The following GSN variants were observed in gnomAD, a reference collection of about 807,000 sequenced individuals.
GSN encodes actin-depolymerizing factor.
GSN carries 56 observed loss-of-function variants against 85.7 expected under a neutral mutation model. The observed-to-expected ratio is 0.65, with a 90% CI of 0.53 to 0.82. GSN has a LOEUF of 0.82. GSN is among the 40% of genes least tolerant of loss of function. The pLI, the probability that GSN is intolerant of heterozygous loss-of-function variation, is 0.00. For synonymous variants in GSN, 373 were observed against 399.1 expected (o/e 0.93, Z 0.78); for missense variants, 857 against 979.8 (o/e 0.87, Z 1.67).
chr9:121,273,838 A>C (rs551134157), intron 1 of GSN, among the ~76,000 whole-genome samples: 1 of 152,344 alleles, frequency 6.6e-6, no homozygotes, highest in South Asian at 2.1e-4. Context: ...AAATGAAATA[A>C]TGCTTTTTAT....
intron 2 of GSN, among the ~76,000 whole-genome samples, chr9:121,296,769 G>C (rs4837833): frequency 0.72 from 109,787 of 152,084 alleles, 39,936 homozygotes; most frequent in South Asian, 0.81. Context: ...AATGTTGCCC[G>C]CATCATGGTC....
intron 4 of GSN, among the ~76,000 whole-genome samples, chr9:121,224,698 T>G (rs1363182233): frequency 2.0e-5 from 3 of 150,342 alleles, no homozygotes; most frequent in Non-Finnish European, 4.4e-5. Flanking sequence ...AAACTCGTCC[T>G]TCAGTTGGTC....
chr9:121,318,793 G>A lies in GSN; in HGVS notation c.1104G>A (p.Arg368=). The A allele has an allele frequency of 6.2e-7, 1 of 1,614,136 alleles. No individual in the cohort carries two copies. Among genetic ancestry groups the A allele is most frequent in the Non-Finnish European group, 8.5e-7 (1 of 1,180,018 alleles). Residue 368 remains arginine, a synonymous_variant, in exon 10 of 18, where the codon CGG becomes CGA. Coordinates refer to ENST00000432226, the MANE Select transcript of GSN (RefSeq NM_198252.3). The surrounding 1 kb of genome is among the most constrained non-coding windows in gnomAD (Gnocchi z 4.3). ...CCAGCCATATCGCCAACGTGGAGCG[G>A]GTGCCCTTCGACGCCGCCACCCTGC... ...YLSSHIANVE[R]VPFDAATLHT...
chr9:121,286,788 A>G, intron 2 of GSN: 1 of 1,522,272 alleles, frequency 6.6e-7, no homozygotes, highest in Non-Finnish European at 8.8e-7. Flanking sequence ...GGTGTGTAGA[A>G]GTGAGAGTCA....
chr9:121,312,506 A>G lies in GSN; in HGVS notation c.663+18A>G, dbSNP rs763958914. The G allele has an allele frequency of 3.1e-6, 5 of 1,594,058 alleles. No homozygotes were observed. Among genetic ancestry groups the G allele is most frequent in the African/African-American group, 2.7e-5 (2 of 74,524 alleles). Reference sequence around the variant, plus strand: ...TGCTCCAGGTGCCTGTGGGGTGCGCAATGGGGTGGCCATGGGGACACGCTG... The same window carrying G: ...TGCTCCAGGTGCCTGTGGGGTGCGCGATGGGGTGGCCATGGGGACACGCTG... On this transcript the variant is annotated intron_variant, in intron 6 of 17. Transcript: ENST00000432226.
At chr9:121,273,653 A>G (rs2058182638) in intron 1 of GSN, among the ~76,000 whole-genome samples, 1 of 152,028 alleles carries the variant, frequency 6.6e-6, no homozygotes, top group Non-Finnish European at 1.5e-5. Flanking sequence ...TATATTTATA[A>G]TTGTCTGTTC....
rs536786765 is a variant in GSN, at chr9:121,261,303, T to A, written c.-340-3851T>A. Reference sequence around the variant, plus strand: ...GGGCTGTTAGGGCTGTGGGCCCCTGTGCCCCTCCACAGGAAACGTCTTGAT... The same window carrying A: ...GGGCTGTTAGGGCTGTGGGCCCCTGAGCCCCTCCACAGGAAACGTCTTGAT... On this transcript the variant is annotated intron_variant, in intron 6 of 24. Coordinates refer to the GSN transcript ENST00000373823. This position sits in a 1 kb window ranked among gnomAD's most constrained non-coding sequence, Gnocchi z 4.1. Among the ~76,000 whole-genome samples, 185 of 152,372 alleles carry A rather than the reference T, an allele frequency of 1.2e-3. No homozygotes were observed. Among genetic ancestry groups the A allele is most frequent in the African/African-American group, 4.2e-3 (176 of 41,592 alleles).
At chr9:121,308,297 C>T (rs919260667) in intron 4 of GSN, 1 of 152,272 alleles carries the variant, frequency 6.6e-6, no homozygotes, top group African/African-American at 2.4e-5. Flanking sequence ...CACTGGCAAC[C>T]CAAAAACATC....
At chr9:121,214,190 TTTCCTTCCTTCC>T (rs60742470) in intron 4 of GSN, among the ~76,000 whole-genome samples, 5 of 151,444 alleles carry the variant, frequency 3.3e-5, no homozygotes, top group Admixed American at 6.6e-5. Flanking sequence ...TCCTCCTTTC[TTTCCTTCCTTCC>T]TTCCTTCCTT....
intron 1 of GSN, among the ~76,000 whole-genome samples, chr9:121,208,701 A>G (rs1020972176): frequency 2.0e-5 from 3 of 152,230 alleles, no homozygotes; most frequent in East Asian, 3.8e-4. Context: ...GGTAGGTCAC[A>G]TGGTCACACC....
Position 121,317,136 on chromosome 9 carries a change from C to A in GSN, c.804C>A (p.Asn268Lys), listed in dbSNP as rs2061807337. 4.3e-6 allele frequency: 7 copies of A among 1,614,194 alleles called. No individual in the cohort carries two copies. In the East Asian group the frequency reaches 1.1e-4, roughly 26 times the overall value. Reference sequence around the variant, plus strand: ...CCGTCTCCCTCGTGGCTGATGAGAACCCCTTCGCCCAGGGGGCCCTGAAGT... The same window carrying A: ...CCGTCTCCCTCGTGGCTGATGAGAAACCCTTCGCCCAGGGGGCCCTGAAGT... ...TMSVSLVADE[N>K]PFAQGALKSE... Residue 268 changes from asparagine (N) to lysine (K), a missense_variant, in exon 8 of 18, where the codon AAC (asparagine) becomes AAA (lysine). Physicochemically the swap from Asn to Lys is moderately conservative, Grantham distance 94. Coordinates refer to ENST00000432226, the MANE Select transcript of GSN (RefSeq NM_198252.3).
chr9:121,324,466 G>A (rs1160350229), intron 11 of GSN, 88 bp from the exon 12 acceptor site: 2 of 722,640 alleles, frequency 2.8e-6, no homozygotes, highest in African/African-American at 1.7e-5. Context: ...TGGTAACAGG[G>A]AGATGTGTAG....
rs1257453375 is a variant in GSN, at chr9:121,332,179, A to G, written c.2027-255A>G. On this transcript the variant is annotated intron_variant, in intron 17 of 17. Coordinates refer to ENST00000432226, the MANE Select transcript of GSN (RefSeq NM_198252.3). The surrounding 1 kb of genome is among the most constrained non-coding windows in gnomAD (Gnocchi z 4.8). ...TCTTCCAGTAGGGGACTGCAAGGGA[A>G]AGTAATAAGCTTTATGAAGCAGGAG... Among the ~76,000 whole-genome samples, 1 of 152,196 alleles carries G rather than the reference A, an allele frequency of 6.6e-6. No individual in the cohort carries two copies. The highest frequency in any genetic ancestry group is 1.9e-4 in the East Asian group (1 of 5,200).
At chr9:121,232,919 A>G (rs535378708) in intron 5 of GSN, among the ~76,000 whole-genome samples, 1 of 152,332 alleles carries the variant, frequency 6.6e-6, no homozygotes, top group East Asian at 1.9e-4. Context: ...CAGAGGAACC[A>G]TTGTTGAGTC....
At chr9:121,330,228 G>C (rs2063738332) in intron 16 of GSN, among the ~76,000 whole-genome samples, 1 of 152,212 alleles carries the variant, frequency 6.6e-6, no homozygotes, top group Admixed American at 6.5e-5. Flanking sequence ...GAGCAAAATA[G>C]AATGCCTGCC....
intron 10 of GSN, 47 bp from the exon 11 acceptor site, chr9:121,321,221 G>A: frequency 6.2e-7 from 1 of 1,609,234 alleles, no homozygotes; most frequent in Non-Finnish European, 8.5e-7. Flanking sequence ...CCTGAGCTGG[G>A]GGGTGGGGGT....
At chr9:121,324,088 C>CTCAA (rs2062846152) in intron 11 of GSN, among the ~76,000 whole-genome samples, 1 of 152,180 alleles carries the variant, frequency 6.6e-6, no homozygotes, top group Non-Finnish European at 1.5e-5. Flanking sequence ...CACCATGGAC[C>CTCAA]TTTTTGGTGA....
intron 2 of GSN, 145 bp from the exon 3 acceptor site, chr9:121,301,818 G>C: frequency 7.6e-7 from 1 of 1,322,218 alleles, no homozygotes; most frequent in Non-Finnish European, 1.1e-6. Context: ...AGGGTGCCCA[G>C]AAGGGGATAG....
intron 4 of GSN, among the ~76,000 whole-genome samples, chr9:121,220,335 C>T (rs1259233896): frequency 3.3e-5 from 5 of 150,378 alleles, no homozygotes; most frequent in Non-Finnish European, 5.9e-5. Flanking sequence ...TTGGGGAACT[C>T]CCCTAGCCCA....
Sources: allele counts gnomAD v4.1 joint callset (sites outside exome capture counted in the v4.1 genomes callset), GRCh38; gene constraint gnomAD v4.1.1; non-coding constraint Gnocchi (gnomAD v3.1); transcripts MANE v1.5; gene names NCBI Gene and HGNC (gene_info 2026-07-23, HGNC 2026-07-21).